Variants in RASAL2 observed in about 807,000 individuals in gnomAD.
The protein encoded by RASAL2 is ras GTPase-activating protein nGAP.
In RASAL2, 58 loss-of-function variants were observed where a neutral mutation model predicts 128.9. That is an observed-to-expected ratio of 0.45 (90% CI 0.36 to 0.56). RASAL2 has a LOEUF of 0.56. Ranked by LOEUF, RASAL2 falls within the 20% of genes least tolerant of loss-of-function variation. The probability of loss-of-function intolerance (pLI) is 0.00; values close to 1 mark genes in which losing one functional copy is unlikely to be tolerated. For synonymous variants in RASAL2, 561 were observed against 580.8 expected (o/e 0.97, Z 0.49); for missense variants, 1,360 against 1,601.6 (o/e 0.85, Z 2.57).
chr1:178,198,961 C>T (rs922393821), intron 1 of RASAL2, among the ~76,000 whole-genome samples: 4 of 152,300 alleles, frequency 2.6e-5, no homozygotes, highest in South Asian at 2.1e-4. Flanking sequence ...CATTGAGCTG[C>T]GGTGGGCTCC....
rs1043020419 is a variant in RASAL2, at chr1:178,106,182, A to T, written c.202+11488A>T. Among the ~76,000 whole-genome samples, 3 of 152,148 alleles carry T rather than the reference A, an allele frequency of 2.0e-5. No individual in the cohort carries two copies. The South Asian group carries it at 6.2e-4, about 32-fold the overall frequency. ...CTTGTAATGAAATTTTTTTAATGTCATATTTTATGTAATAATTTTCCAAAA... is the reference window on the plus strand; with the variant it reads ...CTTGTAATGAAATTTTTTTAATGTCTTATTTTATGTAATAATTTTCCAAAA... On this transcript the variant is annotated intron_variant, in intron 1 of 17. Coordinates refer to ENST00000367649, the MANE Select transcript of RASAL2 (RefSeq NM_170692.4).
At chr1:178,175,571 A>G (rs892752180) in intron 1 of RASAL2, among the ~76,000 whole-genome samples, 2 of 151,706 alleles carry the variant, frequency 1.3e-5, no homozygotes, top group African/African-American at 4.8e-5. Flanking sequence ...TTAGTGTACA[A>G]GTGGTTTTTG....
chr1:178,333,111 CT>C (rs1465718886), intron 3 of RASAL2, among the ~76,000 whole-genome samples: 10 of 152,100 alleles, frequency 6.6e-5, no homozygotes, highest in Admixed American at 4.6e-4. Context: ...TCACTGCAAG[CT>C]CCGCCTCCCG....
intron 3 of RASAL2, among the ~76,000 whole-genome samples, chr1:178,336,599 A>G (rs954879820): frequency 2.0e-5 from 3 of 151,896 alleles, no homozygotes; most frequent in African/African-American, 7.2e-5. Context: ...GTGTATGTAT[A>G]TGTATAATTA....
intron 1 of RASAL2, among the ~76,000 whole-genome samples, chr1:178,212,301 T>C (rs939142815): frequency 6.6e-6 from 1 of 152,194 alleles, no homozygotes; most frequent in African/African-American, 2.4e-5. Flanking sequence ...ACACAAAATG[T>C]AATGAACTAT....
chr1:178,110,096 G>A (rs1221804226), intron 1 of RASAL2, among the ~76,000 whole-genome samples: 1 of 152,146 alleles, frequency 6.6e-6, no homozygotes, highest in East Asian at 1.9e-4. Flanking sequence ...GTAATTTGAT[G>A]TATTTGAAAT....
chr1:178,308,750 A>G (rs1251937974), intron 3 of RASAL2, among the ~76,000 whole-genome samples: 1 of 151,618 alleles, frequency 6.6e-6, no homozygotes, highest in Non-Finnish European at 1.5e-5. Context: ...GGGTGTCACT[A>G]TGTTGCTCAT....
At chr1:178,320,033 G>A (rs545945100) in intron 3 of RASAL2, among the ~76,000 whole-genome samples, 5 of 149,508 alleles carry the variant, frequency 3.3e-5, no homozygotes, top group Admixed American at 6.7e-5. Context: ...TCAGCTGCAG[G>A]TCTGTTGGAA....
intron 1 of RASAL2, among the ~76,000 whole-genome samples, chr1:178,147,985 C>A (rs1314949486): frequency 6.6e-6 from 1 of 151,982 alleles, no homozygotes; most frequent in East Asian, 1.9e-4. Context: ...GCAGGAGAAT[C>A]GCTTGAACCC....
intron 5 of RASAL2, among the ~76,000 whole-genome samples, chr1:178,429,419 T>C (rs1265574006): frequency 6.6e-6 from 1 of 152,132 alleles, no homozygotes. Context: ...TTTCAAAAAT[T>C]GTTTCTCACA....
chr1:178,138,946 A>G (rs1398617115), intron 1 of RASAL2, among the ~76,000 whole-genome samples: 1 of 152,090 alleles, frequency 6.6e-6, no homozygotes, highest in Admixed American at 6.6e-5. Flanking sequence ...TTAAGATTAT[A>G]TAATACCCTT....
intron 3 of RASAL2, among the ~76,000 whole-genome samples, chr1:178,362,830 A>C (rs1215910199): frequency 2.0e-5 from 3 of 151,772 alleles, no homozygotes; most frequent in Non-Finnish European, 4.4e-5. Context: ...TGTTTTGCAA[A>C]TGGCAGGATC....
chr1:178,456,955 CAG>C (rs1677820731), intron 13 of RASAL2, 56 bp downstream of exon 13: 1 of 1,540,942 alleles, frequency 6.5e-7, no homozygotes, highest in Non-Finnish European at 8.9e-7. Context: ...TTAGATTTAG[CAG>C]AAGTATATTC....
chr1:178,358,237 T>TAAAAAAAAAAAAAAAAAAAAA (rs71567191), intron 3 of RASAL2, among the ~76,000 whole-genome samples: 1 of 34,770 alleles, frequency 2.9e-5, no homozygotes, highest in African/African-American at 6.6e-5. Flanking sequence ...CTCTGTCTCC[T>TAAAAAAAAAAAAAAAAAAAAA]AAAAAAAAAA....
In RASAL2 at chr1:178,441,491, T is replaced by C. The variant is rs1676648380; in HGVS notation, c.829-58T>C. Reference sequence around the variant, plus strand: ...GTTAGAGGTATGCTGTGAACCCTAATGACAGAGCCCTGAAATCCAGTGTTT... The same window carrying C: ...GTTAGAGGTATGCTGTGAACCCTAACGACAGAGCCCTGAAATCCAGTGTTT... On this transcript the variant is annotated intron_variant, in intron 6 of 17. Transcript: ENST00000367649. 2.3e-6 allele frequency: 3 copies of C among 1,278,826 alleles called. No homozygotes were observed. The Admixed American group carries it at 5.2e-5, about 22-fold the overall frequency. 79.2% of individuals were successfully genotyped at this position (1,278,826 alleles called of 1,614,324 possible).
chr1:178,213,750 G>T (rs1219971857), intron 1 of RASAL2, among the ~76,000 whole-genome samples: 3 of 151,636 alleles, frequency 2.0e-5, no homozygotes, highest in African/African-American at 7.3e-5. Context: ...TTGGGGGAGT[G>T]GGGGAAGGAG....
intron 4 of RASAL2, among the ~76,000 whole-genome samples, chr1:178,419,666 C>T (rs191590879): frequency 2.2e-4 from 34 of 152,208 alleles, no homozygotes; most frequent in African/African-American, 7.2e-4. Flanking sequence ...AAGTAGTGAC[C>T]GTCATTCATT....
intron 4 of RASAL2, among the ~76,000 whole-genome samples, chr1:178,413,429 GA>G (rs140535070): frequency 0.019 from 2,894 of 152,292 alleles, 78 homozygotes; most frequent in African/African-American, 0.063. Context: ...TCACAGTCCA[GA>G]AACACAGACT....
chr1:178,442,606 A>G, intron 7 of RASAL2, 69 bp from the exon 8 acceptor site: 2 of 1,395,610 alleles, frequency 1.4e-6, no homozygotes, highest in Non-Finnish European at 1.9e-6. Flanking sequence ...AACATTGCCA[A>G]CTTAAGAAAA....
Sources: gnomAD v4.1 joint callset for allele counts (sites outside exome capture counted in the v4.1 genomes callset) on GRCh38, gnomAD v4.1.1 for gene constraint, MANE v1.5 for transcripts, NCBI Gene and HGNC (gene_info 2026-07-23, HGNC 2026-07-21) for gene names.